Variants in RIC8B observed in about 807,000 individuals in gnomAD.
RIC8B encodes RIC8 guanine nucleotide exchange factor B.
A neutral mutation model predicts 57.5 loss-of-function variants in RIC8B; 16 were observed. The ratio of observed to expected loss-of-function variants is 0.28; its 90% CI spans 0.19 to 0.42. The LOEUF is 0.42. Among genes scored for constraint, RIC8B ranks in the 10% least tolerant of loss-of-function variants. The probability of loss-of-function intolerance (pLI) is 1.00; values close to 1 mark genes in which losing one functional copy is unlikely to be tolerated. For missense variants in RIC8B, 481 were observed against 677.0 expected (o/e 0.71, Z 3.21); for synonymous variants, 216 against 250.8 (o/e 0.86, Z 1.31).
chr12:106,816,279 C>A (rs536834280), intron 3 of RIC8B, among the ~76,000 whole-genome samples: 4 of 152,138 alleles, frequency 2.6e-5, no homozygotes, highest in African/African-American at 9.7e-5. Context: ...TCTGTTTTTG[C>A]CAGCAGCCTA....
chr12:106,867,356 T>C lies in RIC8B; in HGVS notation c.1452-3467T>C, dbSNP rs1315880662. ...TGTCACCTAATTGGAAGTCACAAGA[T>C]TGGAGTGCTACAAAATGGGACAGAG... On this transcript the variant is annotated intron_variant, in intron 8 of 9. Coordinates refer to ENST00000392837, the MANE Select transcript of RIC8B (RefSeq NM_001330145.2). The surrounding 1 kb of genome is among the most constrained non-coding windows in gnomAD (Gnocchi z 4.3). Among the ~76,000 whole-genome samples, 1 of 152,120 alleles carries C rather than the reference T, an allele frequency of 6.6e-6. No individual in the cohort carries two copies. Among genetic ancestry groups the C allele is most frequent in the Non-Finnish European group, 1.5e-5 (1 of 68,014 alleles).
intron 2 of RIC8B, among the ~76,000 whole-genome samples, chr12:106,793,079 T>G (rs1324828341): frequency 1.3e-5 from 2 of 152,172 alleles, no homozygotes; most frequent in African/African-American, 2.4e-5. Context: ...CATTCTGCCC[T>G]TCCTCATGGG....
At chr12:106,858,150 C>A (rs1949782898) in intron 7 of RIC8B, among the ~76,000 whole-genome samples, 1 of 152,042 alleles carries the variant, frequency 6.6e-6, no homozygotes, top group African/African-American at 2.4e-5. Flanking sequence ...TTTTCATAAC[C>A]TTTGCATTTT....
intron 9 of RIC8B, among the ~76,000 whole-genome samples, chr12:106,875,557 TAC>T (rs1277412286): frequency 1.3e-5 from 2 of 152,166 alleles, no homozygotes; most frequent in African/African-American, 4.8e-5. Context: ...TATTTCAAGT[TAC>T]AGTTTTGTTT....
chr12:106,827,027 A>G lies in RIC8B; in HGVS notation c.836+1207A>G, dbSNP rs375880699. 4.6e-5 allele frequency among the ~76,000 whole-genome samples: 7 copies of G among 152,180 alleles called. No individual in the cohort carries two copies. The East Asian group carries it at 9.6e-4, about 21-fold the overall frequency. On this transcript the variant is annotated intron_variant, in intron 4 of 9. Transcript: ENST00000392837. Reference sequence around the variant, plus strand: ...GAGGTGAAGGTTGCCATGAGCCGAAATTCCGCCACTGTACTCCAGCCTGGG... The same window carrying G: ...GAGGTGAAGGTTGCCATGAGCCGAAGTTCCGCCACTGTACTCCAGCCTGGG...
intron 4 of RIC8B, 71 bp from the exon 5 acceptor site, chr12:106,842,518 C>A: frequency 1.6e-6 from 2 of 1,268,736 alleles, no homozygotes; most frequent in Non-Finnish European, 2.2e-6. Flanking sequence ...TTTTGAACTT[C>A]TTATTATGTT....
intron 1 of RIC8B, among the ~76,000 whole-genome samples, chr12:106,778,776 T>C (rs1365784208): frequency 6.6e-6 from 1 of 152,224 alleles, no homozygotes; most frequent in African/African-American, 2.4e-5. Flanking sequence ...AGGAGTGGTA[T>C]ACTACGGTTA....
chr12:106,797,536 T>A (rs36090447), intron 2 of RIC8B, among the ~76,000 whole-genome samples: 1 of 152,266 alleles, frequency 6.6e-6, no homozygotes, highest in Non-Finnish European at 1.5e-5. Flanking sequence ...ATCTTGAGCT[T>A]CTTCTGGGGA....
intron 9 of RIC8B, among the ~76,000 whole-genome samples, chr12:106,872,240 A>G (rs1320704887): frequency 6.6e-6 from 1 of 152,260 alleles, no homozygotes; most frequent in Non-Finnish European, 1.5e-5. Flanking sequence ...CAGAGAAGAT[A>G]CCGATAGGGC....
chr12:106,846,356 T>C (rs1452406621), intron 6 of RIC8B, among the ~76,000 whole-genome samples: 1 of 152,174 alleles, frequency 6.6e-6, no homozygotes, highest in Non-Finnish European at 1.5e-5. Context: ...CCCTAATAAA[T>C]GAACCAGATT....
At chr12:106,871,877 G>T (rs1950447255) in intron 9 of RIC8B, among the ~76,000 whole-genome samples, 1 of 152,206 alleles carries the variant, frequency 6.6e-6, no homozygotes, top group Non-Finnish European at 1.5e-5. Flanking sequence ...ACAGAAACGA[G>T]CAGAGATTAA....
At chr12:106,776,370 T>C (rs1223869936) in intron 1 of RIC8B, among the ~76,000 whole-genome samples, 2 of 152,234 alleles carry the variant, frequency 1.3e-5, no homozygotes, top group African/African-American at 4.8e-5. Context: ...CCAGAAAAGA[T>C]ATAAGGCAGC....
chr12:106,843,783 T>C, intron 5 of RIC8B, 69 bp from the exon 6 acceptor site: 1 of 1,005,648 alleles, frequency 9.9e-7, no homozygotes. Context: ...CTCAGTTACA[T>C]GAAGGAAAGT....
At chr12:106,799,114 A>G (rs1268661695) in intron 2 of RIC8B, among the ~76,000 whole-genome samples, 1 of 152,258 alleles carries the variant, frequency 6.6e-6, no homozygotes, top group Non-Finnish European at 1.5e-5. Flanking sequence ...TGGACACTGT[A>G]GAATCTATAG....
rs538602280 is a variant in RIC8B at position 106,862,370 on chromosome 12, G to A, written c.1451+1958G>A. Reference sequence around the variant, plus strand: ...TTTTCCTTTTTTAAAGTGAAAAAGTGTGGTGAGATATTTAATGTTACTTTA... The same window carrying A: ...TTTTCCTTTTTTAAAGTGAAAAAGTATGGTGAGATATTTAATGTTACTTTA... On this transcript the variant is annotated intron_variant, in intron 8 of 9. Coordinates refer to ENST00000392837, the MANE Select transcript of RIC8B (RefSeq NM_001330145.2). 2.6e-5 allele frequency among the ~76,000 whole-genome samples: 4 copies of A among 152,162 alleles called. 1 individual carries two copies. Among genetic ancestry groups the A allele is most frequent in the Admixed American group, 1.3e-4 (2 of 15,270 alleles).
At position 106,886,242 on chromosome 12, in the gene RIC8B, GA is replaced by G. The variant is rs975429086; in HGVS notation, c.*235del. 14 of 436,788 alleles carry G rather than the reference GA, an allele frequency of 3.2e-5. No homozygotes were observed. Among genetic ancestry groups the G allele is most frequent in the South Asian group, 2.0e-4 (4 of 20,282 alleles). The allele number at this position is 436,788 out of a possible 1,614,324, so 27.1% of individuals were successfully genotyped here. A position where few individuals can be genotyped will look rare whatever the true frequency, so the allele number is the denominator to read the frequency against. ...GACGGGGTTACGGGGGCTAAAAGCA[GA>G]AAAAAAATTCCATTTCATCGGGATG... On this transcript the variant is annotated 3_prime_UTR_variant, in exon 10 of 10. Coordinates refer to ENST00000392837, the MANE Select transcript of RIC8B (RefSeq NM_001330145.2).
intron 4 of RIC8B, among the ~76,000 whole-genome samples, chr12:106,839,640 T>C (rs1200138471): frequency 6.6e-6 from 1 of 152,240 alleles, no homozygotes; most frequent in Non-Finnish European, 1.5e-5. Flanking sequence ...TTAGCAATAC[T>C]GTATTGTATA....
chr12:106,866,315 G>A (rs1479851367), intron 8 of RIC8B, among the ~76,000 whole-genome samples: 1 of 152,104 alleles, frequency 6.6e-6, no homozygotes, highest in Admixed American at 6.6e-5. Context: ...AGGATACCAA[G>A]AAAATTGAGT....
intron 9 of RIC8B, chr12:106,878,839 T>G: frequency 4.0e-6 from 1 of 252,510 alleles, no homozygotes; most frequent in Non-Finnish European, 6.2e-6. Flanking sequence ...CCCCCTTTTC[T>G]TCTTTTCTAA....
Sources: gnomAD v4.1 joint callset for allele counts (sites outside exome capture counted in the v4.1 genomes callset) on GRCh38, gnomAD v4.1.1 for gene constraint, Gnocchi (gnomAD v3.1) non-coding constraint, MANE v1.5 for transcripts, NCBI Gene and HGNC (gene_info 2026-07-23, HGNC 2026-07-21) for gene names.